TTYH2: variants seen among roughly 807,000 people sequenced by gnomAD.
TTYH2 encodes the protein protein tweety homolog 2.
Under a neutral mutation model 68.3 loss-of-function variants are expected in TTYH2, and 49 were observed. The observed-to-expected ratio is 0.72, with a 90% CI of 0.57 to 0.91. The LOEUF is 0.91. Among genes scored for constraint, TTYH2 ranks in the 40% least tolerant of loss-of-function variants. The pLI is 0.00. For synonymous variants in TTYH2, 272 were observed against 300.8 expected, an observed-to-expected ratio of 0.90 and a Z score of 0.99; for missense variants, 631 against 700.4, an observed-to-expected ratio of 0.90 and a Z score of 1.12.
Position 74,231,016 on chromosome 17 carries a change from G to A in TTYH2, c.414+17G>A, listed in dbSNP as rs768280955. 3.5e-5 allele frequency: 56 copies of A among 1,610,846 alleles called. No homozygotes were observed. Among genetic ancestry groups the A allele is most frequent in the Non-Finnish European group, 8.5e-7 (1 of 1,177,946 alleles). On this transcript the variant is annotated intron_variant, in intron 3 of 13. Coordinates refer to ENST00000269346, the MANE Select transcript of TTYH2 (RefSeq NM_032646.6). ...GATGCTCTGGTAAGGCTCCCGGGCA[G>A]CTGGCCGGGTACAGGCACAGCCCAC...
rs1028526197 is a variant in TTYH2 at position 74,232,305 on chromosome 17, CA to C, written c.414+1308del. Among the ~76,000 whole-genome samples the C allele has an allele frequency of 1.5e-4, 23 of 152,268 alleles. No individual in the cohort carries two copies. Among genetic ancestry groups the C allele is most frequent in the African/African-American group, 5.5e-4 (23 of 41,550 alleles). ...GACAGCTGTGCTGCTCCTCCGTGCC[CA>C]AGTCAATTGTGGGAGGAGGCCCTGG... On this transcript the variant is annotated intron_variant, in intron 3 of 13. Transcript: ENST00000269346. The surrounding 1 kb of genome is among the most constrained non-coding windows in gnomAD (Gnocchi z 5.1).
At chr17:74,248,398 C>T in intron 6 of TTYH2, 3 of 987,036 alleles carry the variant, frequency 3.0e-6, no homozygotes, top group Non-Finnish European at 3.6e-6. Flanking sequence ...GGGCCAGGTC[C>T]TCCAGCTCAT....
At chr17:74,257,006 C>T (rs1464558238) in intron 13 of TTYH2, 3 of 152,220 alleles carry the variant, frequency 2.0e-5, no homozygotes, top group Non-Finnish European at 4.4e-5. Context: ...AGAAGCCTCC[C>T]GGGTTCCTTT....
intron 13 of TTYH2, among the ~76,000 whole-genome samples, chr17:74,258,522 T>A (rs2050715434): frequency 6.6e-6 from 1 of 152,000 alleles, no homozygotes; most frequent in Non-Finnish European, 1.5e-5. Context: ...CTGTCTCGGC[T>A]TCCCAAAGTG....
At position 74,216,453 on chromosome 17, in the gene TTYH2, G is replaced by A. The variant is rs2050222786; in HGVS notation, c.129+2737G>A. Among the ~76,000 whole-genome samples, 3 of 152,184 alleles carry A rather than the reference G, an allele frequency of 2.0e-5. No individual in the cohort carries two copies. In the South Asian group the frequency reaches 6.2e-4, roughly 32 times the overall value. On this transcript the variant is annotated intron_variant, in intron 1 of 13. Coordinates refer to ENST00000269346, the MANE Select transcript of TTYH2 (RefSeq NM_032646.6). ...TTCTTGGAAGTGCAGAGATGGTGAA[G>A]AGCAGGTCACCTGGTGAGCTGGGAT...
At chr17:74,230,169 G>A (rs555983399) in intron 2 of TTYH2, among the ~76,000 whole-genome samples, 363 of 152,080 alleles carry the variant, frequency 2.4e-3, no homozygotes, top group Non-Finnish European at 4.2e-3. Flanking sequence ...TAGAGGGGAG[G>A]GGGTACTTAA....
chr17:74,222,598 CA>C lies in TTYH2; in HGVS notation c.245del (p.Lys82SerfsTer40). On this transcript the variant is annotated frameshift_variant, in exon 2 of 14. Coordinates refer to ENST00000269346, the MANE Select transcript of TTYH2 (RefSeq NM_032646.6). LOFTEE classifies it high-confidence loss of function. The surrounding 1 kb of genome is among the most constrained non-coding windows in gnomAD (Gnocchi z 5.2). ...GCCGGCGGGACGATGCGGTGCAGACCAAGCAGCACCACTCCTGCTGCATCAC... is the reference window on the plus strand; with the variant it reads ...GCCGGCGGGACGATGCGGTGCAGACCAGCAGCACCACTCCTGCTGCATCAC... ...HCRRDDAVQT[K>X]QHHSCCITWT... 1 of 1,612,102 alleles carries C rather than the reference CA, an allele frequency of 6.2e-7. No individual in the cohort carries two copies. Among genetic ancestry groups the C allele is most frequent in the South Asian group, 1.1e-5 (1 of 91,070 alleles).
At chr17:74,225,347 G>C (rs556873259) in intron 2 of TTYH2, among the ~76,000 whole-genome samples, 1 of 152,230 alleles carries the variant, frequency 6.6e-6, no homozygotes, top group South Asian at 2.1e-4. Flanking sequence ...GGGGTCAGAA[G>C]ACACAGGGGG....
Position 74,253,787 on chromosome 17 carries a change from G to A in TTYH2, c.1478G>A (p.Arg493His), listed in dbSNP as rs749470316. The A allele has an allele frequency of 5.0e-6, 8 of 1,614,032 alleles. No individual in the cohort carries two copies. In the South Asian group the frequency reaches 6.6e-5, roughly 13 times the overall value. Reference protein sequence around the residue: ...NQAMLFGRNPRYENVPLIGRA... With the variant: ...NQAMLFGRNPHYENVPLIGRA... ...GCCATGCTCTTTGGTAGGAACCCAC[G>A]CTACGAGAACGTGCCACTAATCGGG... The change falls in exon 13 of 14, where the codon CGC becomes CAC. Residue 493 changes from arginine (R) to histidine (H), a missense_variant. Arg to His is a conservative substitution (Grantham distance 29). Transcript: ENST00000269346.
intron 8 of TTYH2, among the ~76,000 whole-genome samples, 199 bp downstream of exon 8, chr17:74,249,598 C>T (rs928959814): frequency 3.9e-5 from 6 of 152,184 alleles, no homozygotes; most frequent in African/African-American, 9.7e-5. Context: ...CAGCTCAATG[C>T]GGGAGCTAGT....
Position 74,232,277 on chromosome 17 carries a change from A to G in TTYH2, c.414+1278A>G, listed in dbSNP as rs1330247457. Reference sequence around the variant, plus strand: ...AGGGGGGTCGGGGGTGTCACCTTAAAGAGACAGCTGTGCTGCTCCTCCGTG... The same window carrying G: ...AGGGGGGTCGGGGGTGTCACCTTAAGGAGACAGCTGTGCTGCTCCTCCGTG... On this transcript the variant is annotated intron_variant, in intron 3 of 13. Coordinates refer to ENST00000269346, the MANE Select transcript of TTYH2 (RefSeq NM_032646.6). The surrounding 1 kb of genome is among the most constrained non-coding windows in gnomAD (Gnocchi z 5.1). Among the ~76,000 whole-genome samples, 1 of 152,184 alleles carries G rather than the reference A, an allele frequency of 6.6e-6. No individual in the cohort carries two copies. Among genetic ancestry groups the G allele is most frequent in the Non-Finnish European group, 1.5e-5 (1 of 68,030 alleles).
intron 3 of TTYH2, 137 bp downstream of exon 3, chr17:74,231,136 G>A (rs570381702): frequency 1.4e-5 from 11 of 770,880 alleles, no homozygotes; most frequent in South Asian, 8.8e-5. Context: ...CTGGACCCCC[G>A]CCTGCGCTGC....
chr17:74,218,282 C>G (rs978613493), intron 1 of TTYH2, among the ~76,000 whole-genome samples: 5 of 152,062 alleles, frequency 3.3e-5, no homozygotes, highest in Non-Finnish European at 7.4e-5. Context: ...TCCTTTTCCC[C>G]CTACACCCTC....
chr17:74,259,185 A>G (rs1040395179), intron 13 of TTYH2, among the ~76,000 whole-genome samples: 6 of 152,302 alleles, frequency 3.9e-5, no homozygotes, highest in Non-Finnish European at 7.4e-5. Context: ...ATAGCTCTTT[A>G]AATTCATTTT....
chr17:74,260,174 C>G lies in TTYH2; in HGVS notation c.1570C>G (p.His524Asp). Residue 524 changes from histidine to aspartate, a missense_variant, in exon 14 of 14, where the codon CAC becomes GAC. His to Asp is a moderately conservative substitution (Grantham distance 81, BLOSUM62 -1). Transcript: ENST00000269346. ...CACCTACCTGTCTGTGGCGGATGAG[C>G]ACCTGAGGCACTACGGGAATCAGTT... ...RATYLSVADE[H>D]LRHYGNQFPA 1 of 1,613,958 alleles carries G rather than the reference C, an allele frequency of 6.2e-7. No individual in the cohort carries two copies. The highest frequency in any genetic ancestry group is 1.1e-5 in the South Asian group (1 of 91,074).
Position 74,215,330 on chromosome 17 carries a change from G to A in TTYH2, c.129+1614G>A, listed in dbSNP as rs1291874244. ...AAGACCCCTAGGTGGGGGTAGGGAT[G>A]GTAAGGGGACTCCCTCACCCTGATG... On this transcript the variant is annotated intron_variant, in intron 1 of 13. Coordinates refer to ENST00000269346, the MANE Select transcript of TTYH2 (RefSeq NM_032646.6). This position sits in a 1 kb window ranked among gnomAD's most constrained non-coding sequence, Gnocchi z 4.3. Among the ~76,000 whole-genome samples the A allele has an allele frequency of 1.3e-5, 2 of 152,104 alleles. No homozygotes were observed. The highest frequency in any genetic ancestry group is 4.8e-5 in the African/African-American group (2 of 41,422).
Position 74,214,437 on chromosome 17 carries a change from G to A in TTYH2, c.129+721G>A, listed in dbSNP as rs2050202550. Among the ~76,000 whole-genome samples, 1 of 152,124 alleles carries A rather than the reference G, an allele frequency of 6.6e-6. No homozygotes were observed. Among genetic ancestry groups the A allele is most frequent in the African/African-American group, 2.4e-5 (1 of 41,420 alleles). On this transcript the variant is annotated intron_variant, in intron 1 of 13. Coordinates refer to ENST00000269346, the MANE Select transcript of TTYH2 (RefSeq NM_032646.6). The surrounding 1 kb of genome is among the most constrained non-coding windows in gnomAD (Gnocchi z 4.6). ...AGCTTCTCTGTGTCCCCTGGTCCTA[G>A]ACTGGCCCATTCCTGTTCCCCCACG...
Position 74,231,078 on chromosome 17 carries a change from T to A in TTYH2, c.414+79T>A, listed in dbSNP as rs1370946495. ...GGTCAGAGCAAGGGCCCCCGTCAGATCCCAGCTAGCTCAGCTGCACACGGA... is the reference window on the plus strand; with the variant it reads ...GGTCAGAGCAAGGGCCCCCGTCAGAACCCAGCTAGCTCAGCTGCACACGGA... On this transcript the variant is annotated intron_variant, in intron 3 of 13. Transcript: ENST00000269346. 9 of 1,330,144 alleles carry A rather than the reference T, an allele frequency of 6.8e-6. No individual in the cohort carries two copies. The Admixed American group carries it at 1.2e-4, about 18-fold the overall frequency. The allele number at this position is 1,330,144 out of a possible 1,614,324, so 82.4% of individuals were successfully genotyped here. A position where few individuals can be genotyped will look rare whatever the true frequency, so the allele number is the denominator to read the frequency against.
intron 2 of TTYH2, among the ~76,000 whole-genome samples, chr17:74,228,201 C>G (rs1598217326): frequency 6.6e-6 from 1 of 152,192 alleles, no homozygotes; most frequent in East Asian, 1.9e-4. Context: ...CCAGGCTGGT[C>G]TTGAACTCCT....
Sources: allele counts gnomAD v4.1 joint callset (sites outside exome capture counted in the v4.1 genomes callset), GRCh38; gene constraint gnomAD v4.1.1; non-coding constraint Gnocchi (gnomAD v3.1); transcripts MANE v1.5; gene names NCBI Gene and HGNC (gene_info 2026-07-23, HGNC 2026-07-21).